SLC25A31: variants seen among roughly 807,000 people sequenced by gnomAD.
SLC25A31 encodes the protein solute carrier family 25 member 31.
SLC25A31 carries 40 observed loss-of-function variants against 36.2 expected under a neutral mutation model. That is an observed-to-expected ratio of 1.10 (90% CI 0.86 to 1.44). The LOEUF (loss-of-function observed/expected upper bound fraction) is 1.44. Among genes scored for constraint, SLC25A31 ranks in the 40% most tolerant of loss-of-function variants. SLC25A31 has a pLI of 0.00. For synonymous variants in SLC25A31, 143 were observed against 149.7 expected, an observed-to-expected ratio of 0.96 and a Z score of 0.32; for missense variants, 350 against 397.1, an observed-to-expected ratio of 0.88 and a Z score of 1.01.
intron 1 of SLC25A31, among the ~76,000 whole-genome samples, chr4:127,731,667 G>A (rs1287409835): frequency 1.3e-5 from 2 of 152,116 alleles, no homozygotes; most frequent in Non-Finnish European, 2.9e-5. Flanking sequence ...CCTGGATGAA[G>A]GAGTGAGACC....
intron 2 of SLC25A31, among the ~76,000 whole-genome samples, chr4:127,756,275 C>G (rs1390793058): frequency 6.6e-6 from 1 of 152,194 alleles, no homozygotes. Flanking sequence ...GACAGAAATT[C>G]TGTCATTTGT....
At chr4:127,762,519 G>A (rs1732159437) in intron 2 of SLC25A31, among the ~76,000 whole-genome samples, 2 of 152,144 alleles carry the variant, frequency 1.3e-5, no homozygotes, top group Admixed American at 1.3e-4. Flanking sequence ...GCACAACTCT[G>A]TGAATATATT....
chr4:127,745,477 C>T (rs1472643265), intron 2 of SLC25A31, among the ~76,000 whole-genome samples: 2 of 152,084 alleles, frequency 1.3e-5, no homozygotes, highest in Non-Finnish European at 2.9e-5. Flanking sequence ...CTTAAAAAAT[C>T]TCTCTTCCCC....
chr4:127,764,541 G>A (rs1176925994), intron 3 of SLC25A31, among the ~76,000 whole-genome samples, 181 bp downstream of exon 3: 1 of 152,160 alleles, frequency 6.6e-6, no homozygotes, highest in African/African-American at 2.4e-5. Flanking sequence ...TTAAAAAAGG[G>A]AAGGAGGGAA....
chr4:127,732,483 T>A (rs1731545436), intron 1 of SLC25A31, among the ~76,000 whole-genome samples: 1 of 152,210 alleles, frequency 6.6e-6, no homozygotes, highest in Non-Finnish European at 1.5e-5. Flanking sequence ...TTCGTTTATA[T>A]TCTAAGACTT....
intron 2 of SLC25A31, among the ~76,000 whole-genome samples, chr4:127,750,457 A>G (rs1018353638): frequency 1.3e-5 from 2 of 152,218 alleles, no homozygotes; most frequent in African/African-American, 4.8e-5. Flanking sequence ...CAAAAATTGT[A>G]ATTTGAACCA....
chr4:127,735,664 T>A (rs1731610786), intron 1 of SLC25A31, among the ~76,000 whole-genome samples: 1 of 151,984 alleles, frequency 6.6e-6, no homozygotes, highest in African/African-American at 2.4e-5. Flanking sequence ...TTAATTTATA[T>A]TTTGAGTATG....
intron 4 of SLC25A31, 82 bp downstream of exon 4, chr4:127,767,302 A>G: frequency 8.7e-7 from 1 of 1,151,388 alleles, no homozygotes; most frequent in East Asian, 2.8e-5. Flanking sequence ...CAGATATGTT[A>G]CTTTTAATTA....
rs765416040 is a variant in SLC25A31, at chr4:127,730,619, T to C, written c.74T>C (p.Leu25Pro). The change falls in exon 1 of 6, where the codon CTG becomes CCG. Residue 25 changes from leucine to proline, a missense_variant. Leu to Pro is a moderately conservative substitution (Grantham distance 98). Transcript: ENST00000281154. ...FDASSFGKDL[L>P]AGGVAAAVSK... ...GCCTCATCCTTCGGGAAGGACCTTC[T>C]GGCCGGCGGAGTCGCGGCAGCTGTG... 1.2e-6 allele frequency: 2 copies of C among 1,614,050 alleles called. No homozygotes were observed. Among genetic ancestry groups the C allele is most frequent in the South Asian group, 2.2e-5 (2 of 91,086 alleles).
At chr4:127,744,391 C>A (rs970781873) in intron 1 of SLC25A31, among the ~76,000 whole-genome samples, 11 of 152,242 alleles carry the variant, frequency 7.2e-5, no homozygotes, top group Non-Finnish European at 1.3e-4. Flanking sequence ...CAACTGAGTT[C>A]TGTTTATCTA....
chr4:127,768,820 A>T lies in SLC25A31; in HGVS notation c.702A>T (p.Thr234=). The T allele has an allele frequency of 6.2e-7, 1 of 1,608,982 alleles. No homozygotes were observed. Among genetic ancestry groups the T allele is most frequent in the African/African-American group, 1.3e-5 (1 of 74,914 alleles). ...VSFFIAQVVT[T]CSGILSYPFD... ...TTTTCATTGCTCAAGTTGTGACTAC[A>T]TGCTCTGGAATACTTTCTTATCCCT... The change falls in exon 5 of 6, where the codon ACA becomes ACT. Residue 234 remains threonine, a synonymous_variant. Transcript: ENST00000281154.
At chr4:127,749,708 C>CAAAAAAAAAAAAAA (rs34540386) in intron 2 of SLC25A31, among the ~76,000 whole-genome samples, 9 of 106,150 alleles carry the variant, frequency 8.5e-5, no homozygotes, top group African/African-American at 2.9e-4. Flanking sequence ...GACTCCATCT[C>CAAAAAAAAAAAAAA]AAAAAAAAAA....
At chr4:127,749,695 T>G (rs1394559271) in intron 2 of SLC25A31, among the ~76,000 whole-genome samples, 3 of 125,782 alleles carry the variant, frequency 2.4e-5, no homozygotes, top group African/African-American at 3.2e-5. Context: ...GGTGACAGAG[T>G]GAGACTCCAT....
Position 127,769,344 on chromosome 4 carries a change from C to T in SLC25A31, c.759+467C>T, listed in dbSNP as rs755157054. ...AAACCAAATTTTTGATACATTTGAT[C>T]TCTATTGTTATTACCAGTTGACCAT... On this transcript the variant is annotated intron_variant, in intron 5 of 5. Coordinates refer to ENST00000281154, the MANE Select transcript of SLC25A31 (RefSeq NM_031291.4). Among the ~76,000 whole-genome samples, 4 of 152,146 alleles carry T rather than the reference C, an allele frequency of 2.6e-5. No individual in the cohort carries two copies. In the South Asian group the frequency reaches 8.3e-4, roughly 32 times the overall value.
chr4:127,741,980 T>C (rs1282110180), intron 1 of SLC25A31, among the ~76,000 whole-genome samples: 1 of 152,224 alleles, frequency 6.6e-6, no homozygotes, highest in African/African-American at 2.4e-5. Context: ...ATGTCTTTTC[T>C]TTCACTTATA....
intron 2 of SLC25A31, among the ~76,000 whole-genome samples, chr4:127,763,781 A>G (rs1732186590): frequency 6.6e-6 from 1 of 152,208 alleles, no homozygotes; most frequent in South Asian, 2.1e-4. Flanking sequence ...GGTTGGTGCA[A>G]AAAGTAATTG....
Position 127,745,574 on chromosome 4 carries a change from G to C in SLC25A31, c.360+775G>C, listed in dbSNP as rs888425598. ...AGCTGTCTTAGGAGGTTTCTTAAAA[G>C]CAAGTCTTTGTGGAACATTTCATTG... On this transcript the variant is annotated intron_variant, in intron 2 of 5. Transcript: ENST00000281154. 2.6e-5 allele frequency among the ~76,000 whole-genome samples: 4 copies of C among 152,030 alleles called. No individual in the cohort carries two copies. In the East Asian group the frequency reaches 7.7e-4, roughly 29 times the overall value.
At position 127,742,757 on chromosome 4, in the gene SLC25A31, T is replaced by G. The variant is rs1449383020; in HGVS notation, c.233-1915T>G. ...TAGGTTATTTGAGATCTTTCTTCTTTATACATATGCATTTATTGCTATAAA... is the reference window on the plus strand; with the variant it reads ...TAGGTTATTTGAGATCTTTCTTCTTGATACATATGCATTTATTGCTATAAA... On this transcript the variant is annotated intron_variant, in intron 1 of 5. Transcript: ENST00000281154. Among the ~76,000 whole-genome samples, 3 of 152,254 alleles carry G rather than the reference T, an allele frequency of 2.0e-5. 1 individual carries two copies. The highest frequency in any genetic ancestry group is 2.0e-4 in the Admixed American group (3 of 15,282).
In SLC25A31 at chr4:127,744,744, C is replaced by G; in HGVS notation, c.305C>G (p.Ala102Gly). 1.2e-6 allele frequency: 2 copies of G among 1,601,146 alleles called. No homozygotes were observed. Among genetic ancestry groups the G allele is most frequent in the Non-Finnish European group, 1.7e-6 (2 of 1,172,234 alleles). Residue 102 changes from alanine (A) to glycine (G), a missense_variant, in exon 2 of 6, where the codon GCT becomes GGT. Physicochemically the swap from Ala to Gly is moderately conservative, Grantham distance 60 (BLOSUM62 0). Coordinates refer to ENST00000281154, the MANE Select transcript of SLC25A31 (RefSeq NM_031291.4). The part of the protein sequence containing the change: ...RYFPTQALNF[A>G]FKDKYKQLFM... The stretch of plus-strand genomic sequence containing the variant: ...TTTCCAACACAAGCTCTAAACTTTG[C>G]TTTTAAGGACAAATACAAGCAGCTA...
Sources: gnomAD v4.1 joint callset for allele counts (sites outside exome capture counted in the v4.1 genomes callset) on GRCh38, gnomAD v4.1.1 for gene constraint, MANE v1.5 for transcripts, NCBI Gene and HGNC (gene_info 2026-07-23, HGNC 2026-07-21) for gene names.